Variants in SGMS1 observed in about 807,000 individuals in gnomAD.
SGMS1 encodes sphingomyelin synthase 1, also known as phosphatidylcholine:ceramide cholinephosphotransferase 1.
In SGMS1, 13 loss-of-function variants were observed where a neutral mutation model predicts 46.2. The ratio of observed to expected loss-of-function variants is 0.28; its 90% confidence interval spans 0.18 to 0.45. The LOEUF is 0.45. SGMS1 is among the 20% of genes least tolerant of loss of function. The pLI, the probability that SGMS1 is intolerant of heterozygous loss-of-function variation, is 1.00. For missense variants in SGMS1, 324 were observed against 519.9 expected, an observed-to-expected ratio of 0.62 and a Z score of 3.66; for synonymous variants, 203 against 187.8, an observed-to-expected ratio of 1.08 and a Z score of -0.66.
rs543182700 is a variant in SGMS1 at position 50,467,117 on chromosome 10, T to C, written c.-497-185A>G. ...TCATGGTATTCAGAGTACACTTCTA[T>C]TAGACAACGCCAAGCAGAAACAAGC... On this transcript the variant is annotated intron_variant, in intron 3 of 10. Transcript: ENST00000361781. Among the ~76,000 whole-genome samples the C allele has an allele frequency of 6.6e-5, 10 of 152,024 alleles. No homozygotes were observed. The East Asian group carries it at 1.2e-3, about 18-fold the overall frequency.
chr10:50,475,929 C>A (rs1211329347), intron 3 of SGMS1, among the ~76,000 whole-genome samples: 1 of 151,638 alleles, frequency 6.6e-6, no homozygotes, highest in Non-Finnish European at 1.5e-5. Context: ...TCAGGTAGTT[C>A]TTTATAGCAG....
upstream of SGMS1, chr10:50,624,588 C>T (rs1370381770): frequency 2.0e-6 from 2 of 985,272 alleles, no homozygotes; most frequent in Admixed American, 1.2e-4. Flanking sequence ...CAGAGCCGCC[C>T]CGCCCCGCCT....
chr10:50,601,400 A>G (rs746628904), intron 1 of SGMS1, among the ~76,000 whole-genome samples: 5 of 152,224 alleles, frequency 3.3e-5, no homozygotes, highest in African/African-American at 2.4e-5. Context: ...TGACCAACCA[A>G]AAAGTTTTAA....
intron 6 of SGMS1, among the ~76,000 whole-genome samples, chr10:50,432,107 T>C (rs78361848): frequency 1.9e-3 from 285 of 152,292 alleles, no homozygotes; most frequent in African/African-American, 6.7e-3. Flanking sequence ...AATTAAAGAA[T>C]TGTGGCTTAG....
intron 5 of SGMS1, among the ~76,000 whole-genome samples, chr10:50,450,230 A>T (rs1837089423): frequency 6.6e-6 from 1 of 152,212 alleles, no homozygotes; most frequent in Non-Finnish European, 1.5e-5. Flanking sequence ...AGACTAAGAA[A>T]TTTATACTTT....
At chr10:50,522,323 G>A (rs893684134) in intron 2 of SGMS1, among the ~76,000 whole-genome samples, 1 of 151,190 alleles carries the variant, frequency 6.6e-6, no homozygotes, top group Non-Finnish European at 1.5e-5. Context: ...CTTACTTTCT[G>A]ATATTAAAAA....
At chr10:50,352,070 T>C (rs553420370) in intron 6 of SGMS1, among the ~76,000 whole-genome samples, 4 of 152,218 alleles carry the variant, frequency 2.6e-5, no homozygotes, top group South Asian at 4.1e-4. Context: ...AATAAACTTT[T>C]ATTTTTCCAA....
At chr10:50,584,112 T>C (rs1336949224) in intron 2 of SGMS1, among the ~76,000 whole-genome samples, 1 of 152,184 alleles carries the variant, frequency 6.6e-6, no homozygotes, top group Non-Finnish European at 1.5e-5. Context: ...CAACTATCCA[T>C]ATAGAATCAC....
intron 6 of SGMS1, among the ~76,000 whole-genome samples, chr10:50,356,572 A>C (rs1848152412): frequency 6.6e-6 from 1 of 152,148 alleles, no homozygotes; most frequent in Non-Finnish European, 1.5e-5. Context: ...AATACTAAAA[A>C]AATTAAAAAA....
chr10:50,313,246 G>C (rs1847286670), intron 8 of SGMS1, among the ~76,000 whole-genome samples: 1 of 152,180 alleles, frequency 6.6e-6, no homozygotes, highest in South Asian at 2.1e-4. Flanking sequence ...GATCATGAAG[G>C]AGGAGTCACA....
At chr10:50,364,231 G>T (rs1268198633) in intron 6 of SGMS1, among the ~76,000 whole-genome samples, 1 of 151,878 alleles carries the variant, frequency 6.6e-6, no homozygotes, top group Non-Finnish European at 1.5e-5. Flanking sequence ...AACAAACAAA[G>T]ATTTAGAAAT....
chr10:50,603,217 G>A (rs778242684), intron 1 of SGMS1, among the ~76,000 whole-genome samples: 1 of 152,186 alleles, frequency 6.6e-6, no homozygotes, highest in Non-Finnish European at 1.5e-5. Context: ...CCTGTAGGAT[G>A]AGCTTTTTAC....
At chr10:50,481,153 C>T (rs2133719496) in intron 3 of SGMS1, among the ~76,000 whole-genome samples, 1 of 152,356 alleles carries the variant, frequency 6.6e-6, no homozygotes, top group East Asian at 1.9e-4. Context: ...GGATTCCTCA[C>T]AGCCCAGCAC....
At chr10:50,599,983 G>A (rs937826657) in intron 1 of SGMS1, among the ~76,000 whole-genome samples, 3 of 152,186 alleles carry the variant, frequency 2.0e-5, no homozygotes, top group African/African-American at 7.2e-5. Flanking sequence ...ACTGAAATAT[G>A]ACAAATCCTT....
intron 3 of SGMS1, among the ~76,000 whole-genome samples, chr10:50,471,694 G>T (rs1205604969): frequency 1.3e-5 from 2 of 152,098 alleles, no homozygotes; most frequent in Non-Finnish European, 2.9e-5. Context: ...AGTATCTGAG[G>T]TTCCTAGAAC....
In SGMS1 at chr10:50,307,222, A is replaced by T. The variant is rs1278959821; in HGVS notation, c.1162T>A (p.Ser388Thr). The T allele has an allele frequency of 1.2e-6, 2 of 1,614,128 alleles. No individual in the cohort carries two copies. Among genetic ancestry groups the T allele is most frequent in the Admixed American group, 3.3e-5 (2 of 60,024 alleles). ...GGCCAGGGGAAAGGCCAATGGTAAGATCGAGGTACAATTCCTTGGACATTC... is the reference window on the plus strand; with the variant it reads ...GGCCAGGGGAAAGGCCAATGGTAAGTTCGAGGTACAATTCCTTGGACATTC... ...EKNVQGIVPR[S>T]YHWPFPWPVV... The change falls in exon 11 of 11, where the codon TCT becomes ACT. Residue 388 changes from serine to threonine, a missense_variant. Ser to Thr is a moderately conservative substitution (Grantham distance 58). Around this residue, in one of 2 missense-constraint regions of SGMS1, gnomAD observed 174 missense variants for 350.1 expected, o/e 0.50. Transcript: ENST00000361781. This position sits in a 1 kb window ranked among gnomAD's most constrained non-coding sequence, Gnocchi z 4.2.
intron 1 of SGMS1, among the ~76,000 whole-genome samples, chr10:50,592,873 C>T (rs1445638403): frequency 1.6e-5 from 2 of 127,980 alleles, no homozygotes; most frequent in Non-Finnish European, 3.7e-5. Flanking sequence ...GTGAAATATA[C>T]TATATTTAAA....
At chr10:50,484,270 T>C (rs1837501449) in intron 3 of SGMS1, among the ~76,000 whole-genome samples, 2 of 152,212 alleles carry the variant, frequency 1.3e-5, no homozygotes, top group Middle Eastern at 3.4e-3. Context: ...TAAACACCTC[T>C]ATGCAAAAAA....
chr10:50,622,123 C>T (rs1013469408), intron 1 of SGMS1, among the ~76,000 whole-genome samples: 1 of 152,190 alleles, frequency 6.6e-6, no homozygotes, highest in African/African-American at 2.4e-5. Flanking sequence ...TGCTTGGCCA[C>T]GGCATGTCTT....
Sources: allele counts gnomAD v4.1 joint callset (sites outside exome capture counted in the v4.1 genomes callset), GRCh38; gene constraint gnomAD v4.1.1; regional missense constraint gnomAD v4.1.1; non-coding constraint Gnocchi (gnomAD v3.1); transcripts MANE v1.5; gene names NCBI Gene and HGNC (gene_info 2026-07-23, HGNC 2026-07-21).